The following PHF12 variants were observed in gnomAD, a reference collection of about 807,000 sequenced individuals.
PHF12 encodes the protein PHD finger protein 12, also known as PHD factor 1.
A neutral mutation model predicts 99.8 loss-of-function variants in PHF12; 6 were observed. That is an observed-to-expected ratio of 0.06 (90% confidence interval 0.03 to 0.12). PHF12 has a LOEUF of 0.12. Ranked by LOEUF, PHF12 falls within the 10% of genes least tolerant of loss-of-function variation. PHF12 has a pLI of 1.00. For synonymous variants in PHF12, 480 were observed against 514.9 expected, an observed-to-expected ratio of 0.93 and a Z score of 0.92; for missense variants, 954 against 1,300.1, an observed-to-expected ratio of 0.73 and a Z score of 4.09.
intron 2 of PHF12, chr17:28,944,585 T>C: frequency 3.4e-6 from 3 of 876,626 alleles, no homozygotes; most frequent in Non-Finnish European, 4.1e-6. Flanking sequence ...AGGCGGAGAT[T>C]GCAGTGAACT....
intron 3 of PHF12, chr17:28,924,618 A>C: frequency 2.6e-6 from 1 of 389,986 alleles, no homozygotes; most frequent in Non-Finnish European, 4.8e-6. Context: ...AAGGGCTAAA[A>C]AGGTAACACA....
chr17:28,947,309 A>C (rs756776210), intron 2 of PHF12, among the ~76,000 whole-genome samples: 1 of 152,200 alleles, frequency 6.6e-6, no homozygotes, highest in Non-Finnish European at 1.5e-5. Flanking sequence ...CACATTCAAG[A>C]ATAAAAATGT....
At chr17:28,932,139 A>G (rs1295487389) in intron 2 of PHF12, among the ~76,000 whole-genome samples, 1 of 151,888 alleles carries the variant, frequency 6.6e-6, no homozygotes, top group Non-Finnish European at 1.5e-5. Flanking sequence ...TCAAACTTCT[A>G]TCTTTTTTTT....
At chr17:28,948,008 T>C (rs1209248915) in intron 2 of PHF12, among the ~76,000 whole-genome samples, 1 of 152,234 alleles carries the variant, frequency 6.6e-6, no homozygotes, top group Non-Finnish European at 1.5e-5. Context: ...TTGTTACAAC[T>C]TGACAAGACT....
rs758537572 is a variant in PHF12, at chr17:28,905,983, G to A, written c.*200C>T. 30 of 575,292 alleles carry A rather than the reference G, an allele frequency of 5.2e-5. No individual in the cohort carries two copies. Among genetic ancestry groups the A allele is most frequent in the Non-Finnish European group, 7.0e-5 (24 of 341,674 alleles). The allele number at this position is 575,292 out of a possible 1,614,324, so 35.6% of individuals were successfully genotyped here. A position where few individuals can be genotyped will look rare whatever the true frequency, so the allele number is the denominator to read the frequency against. ...CATGAAATGTTGAGTACAAATATAT[G>A]TGCAAATGCCCCCTAGAACTTGAGA... is the stretch of plus-strand genomic sequence containing the variant. On this transcript the variant is annotated 3_prime_UTR_variant, in exon 15 of 15. Transcript: ENST00000332830.
chr17:28,933,097 ATG>A (rs1225689987), intron 2 of PHF12, among the ~76,000 whole-genome samples: 3 of 152,208 alleles, frequency 2.0e-5, no homozygotes, highest in African/African-American at 7.2e-5. Flanking sequence ...TCTCATCCTC[ATG>A]TATCAATGAA....
rs1598169895 is a variant in PHF12, at chr17:28,950,593, G to A, written c.66+302C>T. On this transcript the variant is annotated intron_variant, in intron 1 of 14. Transcript: ENST00000332830. The surrounding 1 kb of genome is among the most constrained non-coding windows in gnomAD (Gnocchi z 5.7). Reference sequence around the variant, plus strand: ...CCAAAGCCCGGTACCCGGACGTGCTGGGGGAAGCACAAAGGGGCCAACAAG... The same window carrying A: ...CCAAAGCCCGGTACCCGGACGTGCTAGGGGAAGCACAAAGGGGCCAACAAG... 1.9e-6 allele frequency: 1 copy of A among 524,240 alleles called. No individual in the cohort carries two copies. The highest frequency in any genetic ancestry group is 4.9e-4 in the Middle Eastern group (1 of 2,024). 32.5% of individuals were successfully genotyped at this position (524,240 alleles called of 1,614,324 possible). A position where few individuals can be genotyped will look rare whatever the true frequency, so the allele number is the denominator to read the frequency against.
At chr17:28,926,723 A>C (rs1457652432) in intron 3 of PHF12, 1 of 1,331,760 alleles carries the variant, frequency 7.5e-7, no homozygotes, top group African/African-American at 1.5e-5. Flanking sequence ...GGAGGACAAC[A>C]AGAAGGTAAG....
At chr17:28,918,292 A>AT (rs1013834160) in intron 6 of PHF12, among the ~76,000 whole-genome samples, 11 of 152,006 alleles carry the variant, frequency 7.2e-5, no homozygotes, top group African/African-American at 1.9e-4. Context: ...GCTTATGGTC[A>AT]TTTTTTTTCT....
Position 28,950,787 on chromosome 17 carries a change from C to T in PHF12, c.66+108G>A. ...GAGAGGCTAGGTGAGGAAGAATCCC[C>T]CTCCCTCGGCCATCTAGGCGCTTCG... On this transcript the variant is annotated intron_variant, in intron 1 of 14. Transcript: ENST00000332830. The surrounding 1 kb of genome is among the most constrained non-coding windows in gnomAD (Gnocchi z 5.7). The T allele has an allele frequency of 8.2e-6, 12 of 1,469,254 alleles. No homozygotes were observed. The highest frequency in any genetic ancestry group is 1.0e-5 in the Non-Finnish European group (11 of 1,089,850). 91.0% of individuals were successfully genotyped at this position (1,469,254 alleles called of 1,614,324 possible).
In PHF12 at chr17:28,917,354, C is replaced by T; in HGVS notation, c.1065G>A (p.Leu355=). 1.2e-6 allele frequency: 2 copies of T among 1,614,116 alleles called. No individual in the cohort carries two copies. Among genetic ancestry groups the T allele is most frequent in the East Asian group, 2.2e-5 (1 of 44,888 alleles). The change falls in exon 7 of 15, where the codon CTG becomes CTA. Residue 355 remains leucine, a synonymous_variant. Coordinates refer to ENST00000332830, the MANE Select transcript of PHF12 (RefSeq NM_001033561.2). ...VSQHVVKVDF[L]NRIHKKHPPN... The stretch of plus-strand genomic sequence containing the variant: ...GGGGGTGCTTCTTGTGGATTCGGTT[C>T]AGGAAGTCCACTTTGACGACATGCT...
At chr17:28,942,147 C>A (rs187157502) in intron 2 of PHF12, among the ~76,000 whole-genome samples, 2 of 152,300 alleles carry the variant, frequency 1.3e-5, no homozygotes, top group African/African-American at 4.8e-5. Flanking sequence ...TGGGATGTAC[C>A]ATCCTAACTG....
At position 28,912,566 on chromosome 17, in the gene PHF12, C is replaced by T. The variant is rs1464070078; in HGVS notation, c.2005G>A (p.Val669Met). 6.2e-7 allele frequency: 1 copy of T among 1,614,128 alleles called. No homozygotes were observed. The highest frequency in any genetic ancestry group is 8.5e-7 in the Non-Finnish European group (1 of 1,179,988). The change falls in exon 9 of 15, where the codon GTG (valine) becomes ATG (methionine). Residue 669 changes from valine to methionine, a missense_variant. Coordinates refer to ENST00000332830, the MANE Select transcript of PHF12 (RefSeq NM_001033561.2). Reference sequence around the variant, plus strand: ...CCTGCTGCTTGCGGGGGAGTGAGCACCCGGGTGGCGTTTGGGGGTGAGCCC... The same window carrying T: ...CCTGCTGCTTGCGGGGGAGTGAGCATCCGGGTGGCGTTTGGGGGTGAGCCC... ...PLGSPPNATRVLTPPQAAGDG... is the reference protein window; with the variant it reads ...PLGSPPNATRMLTPPQAAGDG...
Position 28,950,726 on chromosome 17 carries a change from G to A in PHF12, c.66+169C>T, listed in dbSNP as rs558787867. ...GAAACTGCTGCAAACGTCCTCGGAGGCTGAGCTCAGCCCCCTAAATTGCAA... is the reference window on the plus strand; with the variant it reads ...GAAACTGCTGCAAACGTCCTCGGAGACTGAGCTCAGCCCCCTAAATTGCAA... On this transcript the variant is annotated intron_variant, in intron 1 of 14. Coordinates refer to ENST00000332830, the MANE Select transcript of PHF12 (RefSeq NM_001033561.2). The surrounding 1 kb of genome is among the most constrained non-coding windows in gnomAD (Gnocchi z 5.7). 1,135 of 962,326 alleles carry A rather than the reference G, an allele frequency of 1.2e-3. 11 individuals are homozygous for A. Among genetic ancestry groups the A allele is most frequent in the South Asian group, 1.3e-3 (61 of 46,400 alleles). 59.6% of individuals were successfully genotyped at this position (962,326 alleles called of 1,614,324 possible).
chr17:28,950,858 G>A lies in PHF12; in HGVS notation c.66+37C>T. 2.5e-6 allele frequency: 4 copies of A among 1,609,102 alleles called. No homozygotes were observed. The highest frequency in any genetic ancestry group is 3.4e-6 in the Non-Finnish European group (4 of 1,176,910). Reference sequence around the variant, plus strand: ...GGGCGGAGGGCGGAGGTTCCCTCCCGGCGCTGGAGGAAGGAGATGAGGAGG... The same window carrying A: ...GGGCGGAGGGCGGAGGTTCCCTCCCAGCGCTGGAGGAAGGAGATGAGGAGG... On this transcript the variant is annotated intron_variant, in intron 1 of 14. Transcript: ENST00000332830. This position sits in a 1 kb window ranked among gnomAD's most constrained non-coding sequence, Gnocchi z 5.7.
chr17:28,932,818 C>T (rs976243014), intron 2 of PHF12, among the ~76,000 whole-genome samples: 3 of 152,168 alleles, frequency 2.0e-5, no homozygotes, highest in Admixed American at 6.5e-5. Flanking sequence ...TGGTGGTGTG[C>T]ACTTGTAGTC....
rs750150794 is a variant in PHF12 at position 28,919,248 on chromosome 17, C to A, written c.864G>T (p.Gln288His). 6.2e-7 allele frequency: 1 copy of A among 1,614,186 alleles called. No homozygotes were observed. The highest frequency in any genetic ancestry group is 1.6e-4 in the Middle Eastern group (1 of 6,062). The change falls in exon 6 of 15, where the codon CAG becomes CAT. Residue 288 changes from glutamine to histidine, a missense_variant. Gln to His is a conservative substitution (Grantham distance 24, BLOSUM62 0). Coordinates refer to ENST00000332830, the MANE Select transcript of PHF12 (RefSeq NM_001033561.2). ...NRSCRVAPLI[Q>H]CDYCPLLFHM... ...GAAACAGGAGAGGGCAATAGTCACA[C>A]TGGATGAGAGGAGCCACACGGCAAC...
chr17:28,910,822 C>T, intron 10 of PHF12: 1 of 408,000 alleles, frequency 2.5e-6, no homozygotes, highest in Non-Finnish European at 4.4e-6. Context: ...TCTGCAAATC[C>T]AGGTGATCTG....
Position 28,950,942 on chromosome 17 carries a change from T to C in PHF12, c.19A>G (p.Thr7Ala). 6.2e-7 allele frequency: 1 copy of C among 1,613,794 alleles called. No individual in the cohort carries two copies. Among genetic ancestry groups the C allele is most frequent in the Non-Finnish European group, 8.5e-7 (1 of 1,179,864 alleles). Residue 7 changes from threonine to alanine, a missense_variant, in exon 1 of 15, where the codon ACC becomes GCC. Physicochemically the swap from Thr to Ala is moderately conservative, Grantham distance 58 (BLOSUM62 0). This residue lies in a region of PHF12 where 66 missense variants were observed against 69.4 expected (regional missense o/e 0.95). Coordinates refer to ENST00000332830, the MANE Select transcript of PHF12 (RefSeq NM_001033561.2). This position sits in a 1 kb window ranked among gnomAD's most constrained non-coding sequence, Gnocchi z 5.7. ...TCCAAGTCGTACACGATCGTCTTGG[T>C]CTCCATTTTCTCCCACATTCATCCA... MWEKME[T>A]KTIVYDLDTS...
Sources: gnomAD v4.1 joint callset for allele counts (sites outside exome capture counted in the v4.1 genomes callset) on GRCh38, gnomAD v4.1.1 for gene constraint, gnomAD v4.1.1 regional missense constraint, Gnocchi (gnomAD v3.1) non-coding constraint, MANE v1.5 for transcripts, NCBI Gene and HGNC (gene_info 2026-07-23, HGNC 2026-07-21) for gene names.